Variants in FGF12 observed in about 807,000 individuals in gnomAD.
FGF12 encodes fibroblast growth factor 12B.
Under a neutral mutation model 23.6 loss-of-function variants are expected in FGF12, and 14 were observed. The observed-to-expected ratio is 0.59, with a 90% CI of 0.39 to 0.93. FGF12 has a LOEUF of 0.93. Among genes scored for constraint, FGF12 ranks in the 40% least tolerant of loss-of-function variants. The pLI is 0.00. For synonymous variants in FGF12, 62 were observed against 77.3 expected (o/e 0.80, Z 1.04); for missense variants, 175 against 217.8 (o/e 0.80, Z 1.24).
rs1199517763 is a variant in FGF12, at chr3:192,408,921, G to T, written c.14-48383C>A. The T allele has an allele frequency of 4.1e-6, 4 of 985,178 alleles. No homozygotes were observed. In the African/African-American group the frequency reaches 7.0e-5, roughly 17 times the overall value. 61.0% of individuals were successfully genotyped at this position (985,178 alleles called of 1,614,324 possible). On this transcript the variant is annotated intron_variant, in intron 2 of 5. Coordinates refer to ENST00000445105, the MANE Select transcript of FGF12 (RefSeq NM_004113.6). The surrounding 1 kb of genome is among the most constrained non-coding windows in gnomAD (Gnocchi z 7.3). ...TCGCGCCGGCTGCGGCTTTCCAGGG[G>T]CCGGCCACCCGAGTTCTGGAATTCC... is the stretch of plus-strand genomic sequence containing the variant.
chr3:192,625,669 T>C (rs1039054875), intron 2 of FGF12, among the ~76,000 whole-genome samples: 1 of 152,134 alleles, frequency 6.6e-6, no homozygotes, highest in African/African-American at 2.4e-5. Flanking sequence ...AAAATAAACT[T>C]TTTTTAAAAA....
At chr3:192,696,549 G>A (rs1279056727) in intron 2 of FGF12, among the ~76,000 whole-genome samples, 1 of 152,156 alleles carries the variant, frequency 6.6e-6, no homozygotes, top group Non-Finnish European at 1.5e-5. Context: ...GGAGTGGGAA[G>A]TGACTGCAGC....
chr3:192,554,503 G>T (rs1305344372), intron 2 of FGF12, among the ~76,000 whole-genome samples: 3 of 152,196 alleles, frequency 2.0e-5, no homozygotes, highest in Non-Finnish European at 4.4e-5. Flanking sequence ...GTCCAGAGAA[G>T]AGGCATCCAT....
At chr3:192,693,983 G>C (rs1354225972) in intron 2 of FGF12, among the ~76,000 whole-genome samples, 1 of 152,098 alleles carries the variant, frequency 6.6e-6, no homozygotes, top group Non-Finnish European at 1.5e-5. Flanking sequence ...AAGATTGGGA[G>C]AAAATATTTG....
At chr3:192,614,929 GT>G (rs141717055) in intron 2 of FGF12, among the ~76,000 whole-genome samples, 3 of 151,756 alleles carry the variant, frequency 2.0e-5, no homozygotes, top group South Asian at 2.1e-4. Context: ...GTTTACAGGG[GT>G]TTTTTTCTCC....
chr3:192,525,777 T>C (rs1724927561), intron 2 of FGF12, among the ~76,000 whole-genome samples: 1 of 152,198 alleles, frequency 6.6e-6, no homozygotes, highest in South Asian at 2.1e-4. Flanking sequence ...ACCGTTTTTT[T>C]CTTTTCTATT....
At chr3:192,418,662 G>C (rs889290689) in intron 2 of FGF12, among the ~76,000 whole-genome samples, 1 of 152,102 alleles carries the variant, frequency 6.6e-6, no homozygotes, top group Non-Finnish European at 1.5e-5. Flanking sequence ...CCCTCTTGCT[G>C]TTCTTGTGAC....
At chr3:192,470,577 T>G (rs1208857181) in intron 2 of FGF12, among the ~76,000 whole-genome samples, 2 of 151,894 alleles carry the variant, frequency 1.3e-5, no homozygotes, top group Admixed American at 6.6e-5. Flanking sequence ...TTAGTAGAGA[T>G]GGGGTTTCAT....
chr3:192,361,574 C>G (rs1718729450), intron 2 of FGF12, among the ~76,000 whole-genome samples: 1 of 152,122 alleles, frequency 6.6e-6, no homozygotes, highest in South Asian at 2.1e-4. Context: ...TGAATTTAAG[C>G]TAGTCAACTT....
In FGF12 at chr3:192,141,053, T is replaced by G. The variant is rs553248697; in HGVS notation, c.*2956A>C. 1 of 148,182 alleles carries G rather than the reference T, an allele frequency of 6.7e-6. No individual in the cohort carries two copies. Among genetic ancestry groups the G allele is most frequent in the South Asian group, 2.1e-4 (1 of 4,738 alleles). The allele number at this position is 148,182 out of a possible 1,614,324, so 9.2% of individuals were successfully genotyped here. A position where few individuals can be genotyped will look rare whatever the true frequency, so the allele number is the denominator to read the frequency against. ...AGAACTCAGAATAAACATATCTTAA[T>G]TTATATCTGCGTAGCCAATTGCAAA... On this transcript the variant is annotated 3_prime_UTR_variant, in exon 6 of 6. Coordinates refer to ENST00000445105, the MANE Select transcript of FGF12 (RefSeq NM_004113.6).
chr3:192,394,929 T>A (rs1720455505), intron 2 of FGF12, among the ~76,000 whole-genome samples: 1 of 152,176 alleles, frequency 6.6e-6, no homozygotes, highest in Non-Finnish European at 1.5e-5. Context: ...CCCCATCACT[T>A]AGCGCTTCAC....
chr3:192,160,948 A>T (rs940815981), intron 5 of FGF12, among the ~76,000 whole-genome samples: 1 of 152,146 alleles, frequency 6.6e-6, no homozygotes, highest in African/African-American at 2.4e-5. Context: ...TACGGTAGAC[A>T]ATATTTATCA....
intron 4 of FGF12, among the ~76,000 whole-genome samples, chr3:192,324,938 C>T (rs1313855033): frequency 6.6e-6 from 1 of 152,026 alleles, no homozygotes; most frequent in Non-Finnish European, 1.5e-5. Context: ...TTAAGGTTAG[C>T]CCTGGAGCTA....
chr3:192,417,964 T>C lies in FGF12; in HGVS notation c.14-57426A>G, dbSNP rs187070340. On this transcript the variant is annotated intron_variant, in intron 2 of 5. Transcript: ENST00000445105. ...TTGAATAATTTGCCCATGTTTATGGTTGTGCTGACAGACAAAGGAAGAAAT... is the reference window on the plus strand; with the variant it reads ...TTGAATAATTTGCCCATGTTTATGGCTGTGCTGACAGACAAAGGAAGAAAT... 1.9e-3 allele frequency among the ~76,000 whole-genome samples: 282 copies of C among 152,124 alleles called. 3 individuals carry two copies. Among genetic ancestry groups the C allele is most frequent in the African/African-American group, 6.5e-3 (268 of 41,520 alleles).
At chr3:192,241,367 A>C (rs1355287540) in intron 4 of FGF12, among the ~76,000 whole-genome samples, 1 of 152,176 alleles carries the variant, frequency 6.6e-6, no homozygotes, top group African/African-American at 2.4e-5. Flanking sequence ...GGATATTTTC[A>C]ATACTTCAAA....
chr3:192,645,452 C>T, intron 2 of FGF12, among the ~76,000 whole-genome samples: 1 of 152,024 alleles, frequency 6.6e-6, no homozygotes, highest in Non-Finnish European at 1.5e-5. Context: ...AGATTTCTGG[C>T]TTAGGTAGTA....
intron 2 of FGF12, among the ~76,000 whole-genome samples, chr3:192,701,067 A>G (rs1718277754): frequency 6.6e-6 from 1 of 152,184 alleles, no homozygotes; most frequent in East Asian, 1.9e-4. Flanking sequence ...TAAGTCTGAT[A>G]AAAGCTCAGA....
At chr3:192,243,995 ATAAAGTAAAAAT>A (rs1181336112) in intron 4 of FGF12, among the ~76,000 whole-genome samples, 6 of 152,136 alleles carry the variant, frequency 3.9e-5, no homozygotes, top group Non-Finnish European at 8.8e-5. Context: ...CATATCATAA[ATAAAGTAAAAAT>A]TAAAACTATG....
intron 3 of FGF12, among the ~76,000 whole-genome samples, chr3:192,352,852 T>A (rs1718286731): frequency 6.6e-6 from 1 of 152,144 alleles, no homozygotes; most frequent in African/African-American, 2.4e-5. Context: ...GGACCCAAAT[T>A]CTGGTTTTAG....
Sources: gnomAD v4.1 joint callset for allele counts (sites outside exome capture counted in the v4.1 genomes callset) on GRCh38, gnomAD v4.1.1 for gene constraint, Gnocchi (gnomAD v3.1) non-coding constraint, MANE v1.5 for transcripts, NCBI Gene and HGNC (gene_info 2026-07-23, HGNC 2026-07-21) for gene names.